Variants in SBF2 observed in about 807,000 individuals in gnomAD.
SBF2 encodes the protein SET binding factor 2, also known as myotubularin-related protein 13.
A neutral mutation model predicts 225.2 loss-of-function variants in SBF2; 112 were observed. The ratio of observed to expected loss-of-function variants is 0.50; its 90% CI spans 0.43 to 0.58. The LOEUF (loss-of-function observed/expected upper bound fraction) is 0.58, where lower values mean the gene tolerates loss of function less well. Ranked by LOEUF, SBF2 falls within the 20% of genes least tolerant of loss-of-function variation. The probability of loss-of-function intolerance (pLI) is 0.00; values close to 1 mark genes in which losing one functional copy is unlikely to be tolerated. For synonymous variants in SBF2, 763 were observed against 773.3 expected (o/e 0.99, Z 0.22); for missense variants, 1,996 against 2,206.2 (o/e 0.90, Z 1.91).
At chr11:10,181,599 T>C (rs16907544) in intron 2 of SBF2, among the ~76,000 whole-genome samples, 14,488 of 152,142 alleles carry the variant, frequency 0.095, 945 homozygotes, top group East Asian at 0.29. Flanking sequence ...AAATTGTGAC[T>C]CCCTTTTTAG....
At chr11:10,034,064 T>G (rs892102555) in intron 3 of SBF2, among the ~76,000 whole-genome samples, 2 of 152,236 alleles carry the variant, frequency 1.3e-5, no homozygotes, top group African/African-American at 4.8e-5. Flanking sequence ...AGATTATTTC[T>G]TCTCATTAAA....
At chr11:10,229,524 T>C (rs1005537052) in intron 1 of SBF2, among the ~76,000 whole-genome samples, 3 of 151,978 alleles carry the variant, frequency 2.0e-5, no homozygotes, top group Non-Finnish European at 4.4e-5. Flanking sequence ...TCTTCGTTCT[T>C]GTTGGTTTCA....
intron 2 of SBF2, among the ~76,000 whole-genome samples, chr11:10,115,452 C>T (rs1325148631): frequency 6.6e-6 from 1 of 152,160 alleles, no homozygotes; most frequent in East Asian, 1.9e-4. Flanking sequence ...GTTTACTAAT[C>T]CCATTTGAGA....
At chr11:9,808,817 T>A in intron 31 of SBF2, 84 bp downstream of exon 31, 1 of 1,005,906 alleles carries the variant, frequency 9.9e-7, no homozygotes. Flanking sequence ...TTAGTCATTA[T>A]ACAAAAGAGT....
At chr11:10,180,386 A>G (rs747906473) in intron 2 of SBF2, among the ~76,000 whole-genome samples, 2 of 146,162 alleles carry the variant, frequency 1.4e-5, no homozygotes, top group East Asian at 1.9e-4. Context: ...CACTTTAAGT[A>G]TATCAGGCCA....
intron 27 of SBF2, among the ~76,000 whole-genome samples, chr11:9,831,713 G>A (rs577236259): frequency 4.6e-5 from 7 of 152,224 alleles, no homozygotes; most frequent in South Asian, 2.1e-4. Context: ...TTATTATTTC[G>A]CTAGCTTCCT....
intron 2 of SBF2, among the ~76,000 whole-genome samples, chr11:10,103,630 C>T (rs1213511672): frequency 1.3e-5 from 2 of 152,134 alleles, no homozygotes; most frequent in Non-Finnish European, 2.9e-5. Context: ...TTATAATCAG[C>T]TGTAAAACTC....
chr11:10,124,187 A>C (rs1409704609), intron 2 of SBF2, among the ~76,000 whole-genome samples: 4 of 152,132 alleles, frequency 2.6e-5, no homozygotes, highest in African/African-American at 7.2e-5. Flanking sequence ...GTTTAGTTTT[A>C]CTATTAAGTT....
At position 9,813,803 on chromosome 11, in the gene SBF2, G is replaced by A. The variant is rs113595334; in HGVS notation, c.3979-1095C>T. On this transcript the variant is annotated intron_variant, in intron 29 of 39. Coordinates refer to ENST00000256190, the MANE Select transcript of SBF2 (RefSeq NM_030962.4). ...CTAAAAATACAAAAAGTAGCCAGGC[G>A]TGGTGACAGGCACCTGTAATCGCAG... 8.5e-4 allele frequency among the ~76,000 whole-genome samples: 130 copies of A among 152,142 alleles called. 1 individual carries two copies. The highest frequency in any genetic ancestry group is 2.9e-3 in the African/African-American group (122 of 41,514).
intron 17 of SBF2, among the ~76,000 whole-genome samples, chr11:9,879,192 A>G (rs902213834): frequency 6.6e-6 from 1 of 152,238 alleles, no homozygotes. Context: ...AATGCTAACA[A>G]TGCTGGCTAA....
At chr11:9,865,202 G>C (rs945808718) in intron 17 of SBF2, among the ~76,000 whole-genome samples, 1 of 152,120 alleles carries the variant, frequency 6.6e-6, no homozygotes, top group African/African-American at 2.4e-5. Flanking sequence ...TATGTTGTTA[G>C]ATTTATTCAG....
chr11:9,891,561 T>A (rs936528764), intron 17 of SBF2, among the ~76,000 whole-genome samples: 3 of 152,220 alleles, frequency 2.0e-5, no homozygotes, highest in Non-Finnish European at 4.4e-5. Flanking sequence ...GGGCTTGGCA[T>A]AGCTAATAAA....
intron 2 of SBF2, among the ~76,000 whole-genome samples, chr11:10,101,544 C>T (rs751130791): frequency 6.6e-6 from 1 of 151,976 alleles, no homozygotes; most frequent in Non-Finnish European, 1.5e-5. Flanking sequence ...CATCAAAAAC[C>T]GCTCCATTTT....
intron 1 of SBF2, among the ~76,000 whole-genome samples, chr11:10,197,288 T>C (rs1257390310): frequency 6.6e-6 from 1 of 152,212 alleles, no homozygotes; most frequent in Non-Finnish European, 1.5e-5. Flanking sequence ...CAGTCATACT[T>C]GGGAGATACT....
intron 1 of SBF2, among the ~76,000 whole-genome samples, chr11:10,290,020 G>A (rs1054140963): frequency 3.3e-5 from 5 of 152,174 alleles, no homozygotes; most frequent in Admixed American, 1.3e-4. Flanking sequence ...ACCACCGCCC[G>A]CACCTCTTCG....
At chr11:10,017,918 C>CT (rs997885213) in intron 6 of SBF2, among the ~76,000 whole-genome samples, 1 of 152,144 alleles carries the variant, frequency 6.6e-6, no homozygotes, top group African/African-American at 2.4e-5. Context: ...TTTTCTAGCT[C>CT]TGAGGTAATA....
At chr11:9,865,472 C>G (rs1415737393) in intron 17 of SBF2, among the ~76,000 whole-genome samples, 1 of 151,732 alleles carries the variant, frequency 6.6e-6, no homozygotes, top group Non-Finnish European at 1.5e-5. Flanking sequence ...CGTGGATCAC[C>G]TGAGGTCAGG....
chr11:9,839,012 C>T (rs1855915575), intron 26 of SBF2: 1 of 181,346 alleles, frequency 5.5e-6, no homozygotes, highest in African/African-American at 2.4e-5. Context: ...GCCTGTGGGC[C>T]AAAACTGGCC....
intron 17 of SBF2, among the ~76,000 whole-genome samples, chr11:9,865,175 C>T (rs1858088454): frequency 6.6e-6 from 1 of 152,114 alleles, no homozygotes; most frequent in African/African-American, 2.4e-5. Flanking sequence ...CATTCTGCAA[C>T]TTGGTTTTTC....
Sources: gnomAD v4.1 joint callset for allele counts (sites outside exome capture counted in the v4.1 genomes callset) on GRCh38, gnomAD v4.1.1 for gene constraint, MANE v1.5 for transcripts, NCBI Gene and HGNC (gene_info 2026-07-23, HGNC 2026-07-21) for gene names.